Variants in ADAM23 observed in about 807,000 individuals in gnomAD.
ADAM23 encodes the protein ADAM metallopeptidase domain 23.
Under a neutral mutation model 120.1 loss-of-function variants are expected in ADAM23, and 33 were observed. That is an observed-to-expected ratio of 0.27 (90% CI 0.21 to 0.37). The LOEUF is 0.37. ADAM23 is among the 10% of genes least tolerant of loss of function. The pLI is 1.00. For missense variants in ADAM23, 862 were observed against 1,058.2 expected (o/e 0.81, Z 2.57); for synonymous variants, 367 against 375.2 (o/e 0.98, Z 0.25).
At chr2:206,557,013 T>G (rs1039978550) in intron 9 of ADAM23, among the ~76,000 whole-genome samples, 1 of 152,222 alleles carries the variant, frequency 6.6e-6, no homozygotes, top group Non-Finnish European at 1.5e-5. Context: ...ATTTAAAACT[T>G]ACTTTTTAGG....
intron 24 of ADAM23, among the ~76,000 whole-genome samples, chr2:206,604,605 A>G (rs184276856): frequency 2.3e-4 from 35 of 152,330 alleles, no homozygotes; most frequent in Admixed American, 1.8e-3. Flanking sequence ...AGTCAATGAT[A>G]AAACTAGAAT....
At chr2:206,505,304 T>A (rs2105896252) in intron 3 of ADAM23, among the ~76,000 whole-genome samples, 1 of 152,344 alleles carries the variant, frequency 6.6e-6, no homozygotes, top group Non-Finnish European at 1.5e-5. Context: ...CCAGTGTGTG[T>A]TATAGTGTCC....
At chr2:206,591,100 G>A (rs1405058409) in intron 21 of ADAM23, among the ~76,000 whole-genome samples, 1 of 152,158 alleles carries the variant, frequency 6.6e-6, no homozygotes, top group Non-Finnish European at 1.5e-5. Context: ...GGGAGGCTGA[G>A]GCGAGTGGAT....
intron 2 of ADAM23, among the ~76,000 whole-genome samples, chr2:206,463,647 T>C (rs1308729867): frequency 6.6e-6 from 1 of 152,188 alleles, no homozygotes; most frequent in Non-Finnish European, 1.5e-5. Context: ...TTTAGGAGGC[T>C]GACAGGAAAC....
intron 16 of ADAM23, among the ~76,000 whole-genome samples, chr2:206,571,361 G>A (rs1697995141): frequency 6.6e-6 from 1 of 152,144 alleles, no homozygotes; most frequent in Non-Finnish European, 1.5e-5. Flanking sequence ...TGTAGTCCCA[G>A]CTACTCGGGA....
chr2:206,589,425 C>G lies in ADAM23; in HGVS notation c.1869C>G (p.Asp623Glu), dbSNP rs558744198. Residue 623 changes from aspartate to glutamate, a missense_variant, in exon 21 of 26, where the codon GAC becomes GAG. By Grantham distance (45) the Asp-to-Glu change is conservative. Coordinates refer to ENST00000264377, the MANE Select transcript of ADAM23 (RefSeq NM_003812.4). ...YIWGTKAAGS[D>E]KFCYEKLNTE... ...CTCCAAAAGAGGCTGCAGGGTCTGA[C>G]AAGTTCTGCTATGAAAAGCTGAATA... 6.2e-7 allele frequency: 1 copy of G among 1,613,524 alleles called. No individual in the cohort carries two copies. The highest frequency in any genetic ancestry group is 1.3e-5 in the African/African-American group (1 of 75,006).
At position 206,620,278 on chromosome 2, in the gene ADAM23, A is replaced by T. The variant is rs536322255; in HGVS notation, c.*2651A>T. 6.6e-6 allele frequency: 1 copy of T among 152,346 alleles called. No homozygotes were observed. The highest frequency in any genetic ancestry group is 2.4e-5 in the African/African-American group (1 of 41,596). 9.4% of individuals were successfully genotyped at this position (152,346 alleles called of 1,614,324 possible). The stretch of plus-strand genomic sequence containing the variant: ...ATATTATGTACATATGGCAAATGTC[A>T]GTGTAACTTTTTGTTACACTGGCAA... On this transcript the variant is annotated 3_prime_UTR_variant, in exon 26 of 26. Coordinates refer to ENST00000264377, the MANE Select transcript of ADAM23 (RefSeq NM_003812.4).
At chr2:206,596,396 C>T (rs756703451) in intron 24 of ADAM23, among the ~76,000 whole-genome samples, 31 of 152,284 alleles carry the variant, frequency 2.0e-4, no homozygotes, top group Non-Finnish European at 3.5e-4. Flanking sequence ...AGTAAATATA[C>T]ACATTTTCTT....
intron 18 of ADAM23, among the ~76,000 whole-genome samples, chr2:206,583,475 C>A (rs920659032): frequency 2.7e-5 from 4 of 150,738 alleles, no homozygotes; most frequent in Non-Finnish European, 3.0e-5. Flanking sequence ...AAAAAGAATT[C>A]TCTTCTTCCT....
At chr2:206,562,993 C>T (rs1468906110) in intron 13 of ADAM23, among the ~76,000 whole-genome samples, 4 of 152,160 alleles carry the variant, frequency 2.6e-5, no homozygotes, top group African/African-American at 9.7e-5. Context: ...CTAGGGCTCA[C>T]AGTAATCTGA....
intron 2 of ADAM23, among the ~76,000 whole-genome samples, chr2:206,453,334 G>A (rs1472073981): frequency 6.6e-6 from 1 of 152,210 alleles, no homozygotes; most frequent in Admixed American, 6.5e-5. Flanking sequence ...TCCTGCTTCA[G>A]AACATCATGT....
chr2:206,447,534 G>T (rs1695106211), intron 2 of ADAM23, among the ~76,000 whole-genome samples: 1 of 152,124 alleles, frequency 6.6e-6, no homozygotes, highest in Admixed American at 6.6e-5. Context: ...ATTACCCTTT[G>T]TGTTCTGTGA....
intron 22 of ADAM23, among the ~76,000 whole-genome samples, chr2:206,594,427 A>G (rs1009909243): frequency 6.6e-6 from 1 of 152,206 alleles, no homozygotes; most frequent in East Asian, 1.9e-4. Flanking sequence ...TTGTTCTCAT[A>G]TAGATACTTC....
At chr2:206,483,567 G>A (rs907577192) in intron 3 of ADAM23, among the ~76,000 whole-genome samples, 1 of 151,998 alleles carries the variant, frequency 6.6e-6, no homozygotes, top group African/African-American at 2.4e-5. Flanking sequence ...AGAAGAGGAG[G>A]CACCCATGAA....
At chr2:206,513,587 T>G (rs1696671004) in intron 3 of ADAM23, among the ~76,000 whole-genome samples, 3 of 152,200 alleles carry the variant, frequency 2.0e-5, no homozygotes, top group Admixed American at 2.0e-4. Context: ...CAAGTGCTAA[T>G]GTAGAAGCTG....
At chr2:206,510,773 C>T (rs1696606986) in intron 3 of ADAM23, among the ~76,000 whole-genome samples, 1 of 152,190 alleles carries the variant, frequency 6.6e-6, no homozygotes. Flanking sequence ...GAGATTTGCT[C>T]AGTGAGTGTG....
intron 24 of ADAM23, among the ~76,000 whole-genome samples, chr2:206,597,572 A>T (rs1261910643): frequency 6.6e-6 from 1 of 152,076 alleles, no homozygotes; most frequent in Non-Finnish European, 1.5e-5. Flanking sequence ...GATCTAGAAA[A>T]CCCATCAGTC....
intron 4 of ADAM23, among the ~76,000 whole-genome samples, chr2:206,536,259 C>T (rs927224548): frequency 2.0e-5 from 3 of 152,058 alleles, no homozygotes; most frequent in Non-Finnish European, 4.4e-5. Context: ...AAGCCAGACA[C>T]AGAAAGAAAA....
Position 206,617,979 on chromosome 2 carries a change from T to TC in ADAM23, c.*355dup. 1.0e-5 allele frequency: 2 copies of TC among 198,798 alleles called. No homozygotes were observed. The highest frequency in any genetic ancestry group is 2.0e-5 in the Non-Finnish European group (2 of 99,052). 12.3% of individuals were successfully genotyped at this position (198,798 alleles called of 1,614,324 possible). A position where few individuals can be genotyped will look rare whatever the true frequency, so the allele number is the denominator to read the frequency against. ...AAAAAAAATAGTAAATGATTTTTTT[T>TC]CCCTCAGCCTGCTGGCACTTAATAT... On this transcript the variant is annotated 3_prime_UTR_variant, in exon 26 of 26. Transcript: ENST00000264377.
Sources: allele counts gnomAD v4.1 joint callset (sites outside exome capture counted in the v4.1 genomes callset), GRCh38; gene constraint gnomAD v4.1.1; transcripts MANE v1.5; gene names NCBI Gene and HGNC (gene_info 2026-07-23, HGNC 2026-07-21).